DSG2: variants seen among roughly 807,000 people sequenced by gnomAD.
DSG2 encodes desmoglein-2.
DSG2 carries 45 observed loss-of-function variants against 75.6 expected under a neutral mutation model. The ratio of observed to expected loss-of-function variants is 0.60; its 90% confidence interval spans 0.47 to 0.76. DSG2 has a LOEUF of 0.76. DSG2 is among the 30% of genes least tolerant of loss of function. DSG2 has a pLI of 0.00. For missense variants in DSG2, 1,267 were observed against 1,357.4 expected (o/e 0.93, Z 1.05); for synonymous variants, 429 against 483.9 (o/e 0.89, Z 1.49).
At position 31,519,937 on chromosome 18, in the gene DSG2, G is replaced by T. The variant is rs2073118602; in HGVS notation, c.216G>T (p.Lys72Asn). 1 of 1,614,084 alleles carries T rather than the reference G, an allele frequency of 6.2e-7. No individual in the cohort carries two copies. The highest frequency in any genetic ancestry group is 8.5e-7 in the Non-Finnish European group (1 of 1,180,010). The change falls in exon 3 of 15, where the codon AAG becomes AAT. Residue 72 changes from lysine to asparagine, a missense_variant and splice_region_variant. Coordinates refer to ENST00000261590, the MANE Select transcript of DSG2 (RefSeq NM_001943.5). ...TGTCCAAGAAGAATCCAATTGCCAA[G>T]GTACCTCCTAAAGAGGAACATGAAA... The part of the protein sequence containing the change: ...EDLSKKNPIA[K>N]IHSDLAEERG...
At chr18:31,531,370 A>C in intron 9 of DSG2, 118 bp downstream of exon 9, 1 of 1,222,086 alleles carries the variant, frequency 8.2e-7, no homozygotes, top group Non-Finnish European at 1.1e-6. Context: ...TAGTTCCCCA[A>C]AGGTCTACAA....
Position 31,546,223 on chromosome 18 carries a change from T to C in DSG2, c.2837T>C (p.Met946Thr). 1 of 1,611,676 alleles carries C rather than the reference T, an allele frequency of 6.2e-7. No homozygotes were observed. Among genetic ancestry groups the C allele is most frequent in the Non-Finnish European group, 8.5e-7 (1 of 1,178,472 alleles). Reference protein sequence around the residue: ...TETSYVTGSTMPPTTVILGPS... With the variant: ...TETSYVTGSTTPPTTVILGPS... Reference sequence around the variant, plus strand: ...ACTTCCTATGTCACAGGGTCCACTATGCCACCAACCACTGTGATCCTGGGT... The same window carrying C: ...ACTTCCTATGTCACAGGGTCCACTACGCCACCAACCACTGTGATCCTGGGT... The change falls in exon 15 of 15, where the codon ATG (methionine) becomes ACG (threonine). Residue 946 changes from methionine to threonine, a missense_variant. By Grantham distance (81) the Met-to-Thr change is moderately conservative. Transcript: ENST00000261590.
intron 1 of DSG2, among the ~76,000 whole-genome samples, chr18:31,508,177 T>C (rs1308051731): frequency 1.3e-5 from 2 of 151,968 alleles, no homozygotes; most frequent in African/African-American, 4.8e-5. Flanking sequence ...CATAAAATGG[T>C]ATTTTTTGAG....
intron 11 of DSG2, among the ~76,000 whole-genome samples, 192 bp downstream of exon 11, chr18:31,536,621 A>C (rs1348560058): frequency 6.6e-6 from 1 of 152,226 alleles, no homozygotes; most frequent in Non-Finnish European, 1.5e-5. Context: ...AATAATCTAA[A>C]ATGTCTTGAA....
At chr18:31,505,212 T>C (rs1421490095) in intron 1 of DSG2, among the ~76,000 whole-genome samples, 1 of 152,186 alleles carries the variant, frequency 6.6e-6, no homozygotes, top group Non-Finnish European at 1.5e-5. Context: ...TCATTTTTTG[T>C]CCAAATATCT....
chr18:31,504,773 C>G (rs1437762468), intron 1 of DSG2, among the ~76,000 whole-genome samples: 1 of 152,180 alleles, frequency 6.6e-6, no homozygotes, highest in Non-Finnish European at 1.5e-5. Flanking sequence ...AGATACTTTC[C>G]CCAGGACCTA....
intron 8 of DSG2, among the ~76,000 whole-genome samples, chr18:31,526,318 A>AT (rs2073162789): frequency 6.6e-6 from 1 of 152,224 alleles, no homozygotes; most frequent in African/African-American, 2.4e-5. Context: ...AACTTAATAT[A>AT]TAACAGACTG....
In DSG2 at chr18:31,548,447, C is replaced by T. The variant is rs2073330211; in HGVS notation, c.*1704C>T. Reference sequence around the variant, plus strand: ...ATGCAAAGGATTTATATAGTGTGCTCCCACTAACTGTACAGATCAGGACAC... The same window carrying T: ...ATGCAAAGGATTTATATAGTGTGCTTCCACTAACTGTACAGATCAGGACAC... On this transcript the variant is annotated 3_prime_UTR_variant, in exon 15 of 15. Coordinates refer to ENST00000261590, the MANE Select transcript of DSG2 (RefSeq NM_001943.5). The T allele has an allele frequency of 8.6e-6, 1 of 115,868 alleles. No homozygotes were observed. Among genetic ancestry groups the T allele is most frequent in the Non-Finnish European group, 1.7e-5 (1 of 58,532 alleles). The allele number at this position is 115,868 out of a possible 1,614,324, so 7.2% of individuals were successfully genotyped here.
chr18:31,499,699 G>A (rs1024308905), intron 1 of DSG2, among the ~76,000 whole-genome samples: 3 of 152,040 alleles, frequency 2.0e-5, no homozygotes, highest in African/African-American at 7.3e-5. Context: ...CTTACTTTGA[G>A]AGTTACATAT....
At chr18:31,537,612 C>G (rs2073239374) in intron 11 of DSG2, among the ~76,000 whole-genome samples, 3 of 151,420 alleles carry the variant, frequency 2.0e-5, no homozygotes, top group Non-Finnish European at 4.4e-5. Context: ...GAGCAAGACT[C>G]TGTCTCAAAA....
chr18:31,504,645 G>T (rs551318062), intron 1 of DSG2, among the ~76,000 whole-genome samples: 1 of 152,250 alleles, frequency 6.6e-6, no homozygotes, highest in South Asian at 2.1e-4. Context: ...AGAGGGTGCT[G>T]CCCTTAGGAC....
chr18:31,528,843 G>A (rs572856223), intron 8 of DSG2, among the ~76,000 whole-genome samples: 77 of 152,246 alleles, frequency 5.1e-4, no homozygotes, highest in African/African-American at 1.8e-3. Context: ...AGCAGACTGG[G>A]ATTGCTTGGA....
chr18:31,527,440 T>G, intron 8 of DSG2, among the ~76,000 whole-genome samples: 1 of 152,212 alleles, frequency 6.6e-6, no homozygotes, highest in East Asian at 1.9e-4. Flanking sequence ...GGGATATAGT[T>G]ATTTCTATCA....
chr18:31,535,564 G>A (rs369595503), intron 10 of DSG2, 152 bp downstream of exon 10: 2 of 661,820 alleles, frequency 3.0e-6, no homozygotes, highest in African/African-American at 1.8e-5. Context: ...GGGAGGCCAA[G>A]GCAGGTGGAT....
At position 31,542,385 on chromosome 18, in the gene DSG2, A is replaced by G. The variant is rs11876979; in HGVS notation, c.2002-135A>G. Reference sequence around the variant, plus strand: ...AGACTTACATAAGTTATTCAACTCAAAATACTTTTTCTAACTGGCCTCAGT... The same window carrying G: ...AGACTTACATAAGTTATTCAACTCAGAATACTTTTTCTAACTGGCCTCAGT... On this transcript the variant is annotated intron_variant, in intron 13 of 14. Coordinates refer to ENST00000261590, the MANE Select transcript of DSG2 (RefSeq NM_001943.5). 3,988 of 871,092 alleles carry G rather than the reference A, an allele frequency of 4.6e-3. 120 individuals carry two copies. In the African/African-American group the frequency reaches 0.058, roughly 13 times the overall value. The allele number at this position is 871,092 out of a possible 1,614,324, so 54.0% of individuals were successfully genotyped here.
At chr18:31,525,329 A>T (rs2073156933) in intron 8 of DSG2, among the ~76,000 whole-genome samples, 1 of 152,162 alleles carries the variant, frequency 6.6e-6, no homozygotes, top group Non-Finnish European at 1.5e-5. Flanking sequence ...CAGCCTGGAC[A>T]ACATGGCAAA....
intron 1 of DSG2, among the ~76,000 whole-genome samples, chr18:31,502,936 A>G (rs574463205): frequency 6.6e-6 from 1 of 152,338 alleles, no homozygotes; most frequent in East Asian, 1.9e-4. Context: ...CAATTTATAA[A>G]CATATAGTCT....
chr18:31,536,346 A>T lies in DSG2; in HGVS notation c.1568A>T (p.His523Leu). The change falls in exon 11 of 15, where the codon CAC becomes CTC. Residue 523 changes from histidine to leucine, a missense_variant. By Grantham distance (99) the His-to-Leu change is moderately conservative. Coordinates refer to ENST00000261590, the MANE Select transcript of DSG2 (RefSeq NM_001943.5). The stretch of plus-strand genomic sequence containing the variant: ...GTTACTGCAGAGGACCTGGATGGAC[A>T]CCCAAACAGTGGCCCTTTCAGTTTC... ...VNVTAEDLDG[H>L]PNSGPFSFSV... 1.2e-6 allele frequency: 2 copies of T among 1,614,206 alleles called. No individual in the cohort carries two copies. Among genetic ancestry groups the T allele is most frequent in the Non-Finnish European group, 1.7e-6 (2 of 1,180,030 alleles).
intron 1 of DSG2, among the ~76,000 whole-genome samples, chr18:31,501,312 T>C (rs573381191): frequency 2.0e-5 from 3 of 152,364 alleles, no homozygotes; most frequent in African/African-American, 4.8e-5. Context: ...GTTCGACTAA[T>C]GAAGCTTGTG....
Sources: allele counts gnomAD v4.1 joint callset (sites outside exome capture counted in the v4.1 genomes callset), GRCh38; gene constraint gnomAD v4.1.1; transcripts MANE v1.5; gene names NCBI Gene and HGNC (gene_info 2026-07-23, HGNC 2026-07-21).